The following GREP1 variants were observed in gnomAD, a reference collection of about 807,000 sequenced individuals.
GREP1 encodes the protein glycine rich extracellular protein 1.
exon 6 of GREP1, chr16:2,990,467 G>A (rs900355191): frequency 1.5e-5 from 6 of 399,148 alleles, no homozygotes; most frequent in African/African-American, 8.2e-5. Context: ...ACTGAAGGGG[G>A]CATGAAACCC....
chr16:2,993,296 G>T lies in GREP1; in HGVS notation c.385+333G>T, dbSNP rs148424417. 2.0e-3 allele frequency: 402 copies of T among 203,796 alleles called. 1 individual carries two copies. Among genetic ancestry groups the T allele is most frequent in the Non-Finnish European group, 1.2e-3 (125 of 102,454 alleles). The allele number at this position is 203,796 out of a possible 1,614,324, so 12.6% of individuals were successfully genotyped here. A position where few individuals can be genotyped will look rare whatever the true frequency, so the allele number is the denominator to read the frequency against. ...GGGACTAAAGGCTCAGAGAGCAGGC[G>T]AGCCCCAATCTCTAGCCTCCCAACT... is the stretch of plus-strand genomic sequence containing the variant. On this transcript the variant is annotated intron_variant, in intron 10 of 34. Coordinates refer to ENST00000573315, the Ensembl canonical transcript of GREP1.
At chr16:2,999,733 T>G (rs2072448855) in intron 27 of GREP1, among the ~76,000 whole-genome samples, 169 bp from the exon 25 acceptor site, 1 of 152,186 alleles carries the variant, frequency 6.6e-6, no homozygotes, top group Non-Finnish European at 1.5e-5. Context: ...ATTACAGGCG[T>G]GAGCCACTGC....
At chr16:2,996,381 G>T in intron 18 of GREP1, 115 bp from the exon 18 acceptor site, 1 of 397,250 alleles carries the variant, frequency 2.5e-6, no homozygotes, top group Admixed American at 4.4e-5. Flanking sequence ...GGCCTGGGAG[G>T]GGGAGCCAGG....
At chr16:2,998,747 C>T in intron 25 of GREP1, 101 bp from the exon 24 acceptor site, 1 of 398,772 alleles carries the variant, frequency 2.5e-6, no homozygotes, top group African/African-American at 2.1e-5. Context: ...CCCTAGAAGC[C>T]ACTACAGGCC....
At chr16:2,998,414 C>T (rs1425078437) in intron 24 of GREP1, 26 bp downstream of exon 22, 2 of 399,194 alleles carry the variant, frequency 5.0e-6, no homozygotes, top group East Asian at 7.1e-5. Flanking sequence ...CTGGCTCTGC[C>T]CCACACCTCC....
chr16:2,996,905 A>C (rs2072427651), intron 20 of GREP1, 148 bp from the exon 20 acceptor site: 2 of 399,204 alleles, frequency 5.0e-6, no homozygotes, highest in Admixed American at 8.8e-5. Context: ...CCTGTCCCCC[A>C]GTGGCTCAGC....
Position 2,995,735 on chromosome 16 carries a change from C to G in GREP1, c.590-4C>G, listed in dbSNP as rs1312296998. 3.0e-5 allele frequency: 12 copies of G among 398,234 alleles called. No homozygotes were observed. The highest frequency in any genetic ancestry group is 4.9e-5 in the Non-Finnish European group (11 of 226,220). 24.7% of individuals were successfully genotyped at this position (398,234 alleles called of 1,614,324 possible). On this transcript the variant is annotated splice_polypyrimidine_tract_variant and splice_region_variant and intron_variant, in intron 16 of 34. Coordinates refer to ENST00000573315, the Ensembl canonical transcript of GREP1. Reference sequence around the variant, plus strand: ...ACTCACCAGCCCCCCTATATCTCCTCCAGGCCTTGGAGGGAATGTGAAGCC... The same window carrying G: ...ACTCACCAGCCCCCCTATATCTCCTGCAGGCCTTGGAGGGAATGTGAAGCC...
chr16:3,001,691 G>A, exon 35 of GREP1: 2 of 398,950 alleles, frequency 5.0e-6, no homozygotes, highest in Non-Finnish European at 8.8e-6. Context: ...CCACAAACGT[G>A]CTTCCCTGCT....
At position 2,988,578 on chromosome 16, in the gene GREP1, T is replaced by C; in HGVS notation, c.68-12T>C. 1 of 399,176 alleles carries C rather than the reference T, an allele frequency of 2.5e-6. No homozygotes were observed. The highest frequency in any genetic ancestry group is 6.3e-4 in the Middle Eastern group (1 of 1,590). 24.7% of individuals were successfully genotyped at this position (399,176 alleles called of 1,614,324 possible). A position where few individuals can be genotyped will look rare whatever the true frequency, so the allele number is the denominator to read the frequency against. ...TCCCCAGCCTTGAGTCAGCACTGTC[T>C]TGCTTCCGCAGGGCTGCCCCTTCTG... On this transcript the variant is annotated splice_polypyrimidine_tract_variant and intron_variant, in intron 1 of 34. Coordinates refer to ENST00000573315, the Ensembl canonical transcript of GREP1.
At chr16:3,000,497 G>A (rs781148467) in intron 31 of GREP1, 3 of 399,138 alleles carry the variant, frequency 7.5e-6, no homozygotes, top group Non-Finnish European at 8.8e-6. Context: ...AAAGTGCAGT[G>A]GAGTGGGGGA....
chr16:2,994,695 C>T lies in GREP1; in HGVS notation c.386-3C>T, dbSNP rs147950119. Reference sequence around the variant, plus strand: ...GGGCCTTAACCCTTTCTCTCCTCCACAGGCCCCACCACTCAAAATGGCTAT... The same window carrying T: ...GGGCCTTAACCCTTTCTCTCCTCCATAGGCCCCACCACTCAAAATGGCTAT... On this transcript the variant is annotated splice_region_variant and splice_polypyrimidine_tract_variant and intron_variant, in intron 10 of 34. Transcript: ENST00000573315. 2 of 398,964 alleles carry T rather than the reference C, an allele frequency of 5.0e-6. No individual in the cohort carries two copies. Among genetic ancestry groups the T allele is most frequent in the Admixed American group, 4.4e-5 (1 of 22,722 alleles). The allele number at this position is 398,964 out of a possible 1,614,324, so 24.7% of individuals were successfully genotyped here.
intron 20 of GREP1, 154 bp from the exon 20 acceptor site, chr16:2,996,899 T>G (rs1039488773): frequency 7.5e-6 from 3 of 399,114 alleles, no homozygotes; most frequent in African/African-American, 4.1e-5. Context: ...TGCCTCCCTG[T>G]CCCCCAGTGG....
chr16:3,000,913 C>A, intron 33 of GREP1, 86 bp downstream of exon 27: 2 of 398,022 alleles, frequency 5.0e-6, no homozygotes, highest in Non-Finnish European at 8.8e-6. Context: ...ACCCACAGCC[C>A]CACAGAGATA....
chr16:2,997,450 G>A (rs899014952), intron 22 of GREP1: 8 of 398,992 alleles, frequency 2.0e-5, no homozygotes, highest in Admixed American at 8.8e-5. Flanking sequence ...TGGGAGTGCA[G>A]AAAGGAGGAA....
At chr16:3,001,808 C>A in exon 35 of GREP1, 1 of 395,266 alleles carries the variant, frequency 2.5e-6, no homozygotes, top group Non-Finnish European at 4.5e-6. Flanking sequence ...ATCAATGAGG[C>A]CATGTGCCAG....
chr16:2,995,475 G>A lies in GREP1; in HGVS notation c.553+38G>A, dbSNP rs78106830. The A allele has an allele frequency of 1.8e-3, 708 of 398,834 alleles. 5 individuals carry two copies. Among genetic ancestry groups the A allele is most frequent in the African/African-American group, 0.013 (630 of 48,678 alleles). The allele number at this position is 398,834 out of a possible 1,614,324, so 24.7% of individuals were successfully genotyped here. A position where few individuals can be genotyped will look rare whatever the true frequency, so the allele number is the denominator to read the frequency against. On this transcript the variant is annotated intron_variant, in intron 15 of 34. Coordinates refer to ENST00000573315, the Ensembl canonical transcript of GREP1. ...GGGTCTGGGGTTCTACCCCTGGGGC[G>A]TCCTCTCCCTGCCTCCCTTCCCAGT...
rs1489824216 is a variant in GREP1 at position 2,997,169 on chromosome 16, C to T, written c.886+84C>T. 1.8e-5 allele frequency: 7 copies of T among 399,022 alleles called. No homozygotes were observed. In the East Asian group the frequency reaches 2.1e-4, roughly 12 times the overall value. 24.7% of individuals were successfully genotyped at this position (399,022 alleles called of 1,614,324 possible). A position where few individuals can be genotyped will look rare whatever the true frequency, so the allele number is the denominator to read the frequency against. ...TCATACCCCACCTCAGCTCCATCGG[C>T]ATTCAGGAGGGGGCTGGGAGCCGAG... On this transcript the variant is annotated intron_variant, in intron 21 of 34. Transcript: ENST00000573315.
chr16:2,990,497 G>A lies in GREP1; in HGVS notation c.232+10G>A, dbSNP rs112456863. 1,140 of 399,270 alleles carry A rather than the reference G, an allele frequency of 2.9e-3. 20 individuals are homozygous for A. The highest frequency in any genetic ancestry group is 0.021 in the African/African-American group (1,039 of 48,688). 24.7% of individuals were successfully genotyped at this position (399,270 alleles called of 1,614,324 possible). On this transcript the variant is annotated intron_variant, in intron 6 of 34. Transcript: ENST00000573315. ...AAACCCCAAAACCTAGGTGAGGCTC[G>A]CCCAGCCCCTGCCTGCCTCCCTCCT...
rs375558802 is a variant in GREP1, at chr16:2,990,844, T to A, written c.269-204T>A. Among the ~76,000 whole-genome samples the A allele has an allele frequency of 6.4e-4, 97 of 152,168 alleles. 1 individual carries two copies. Among genetic ancestry groups the A allele is most frequent in the African/African-American group, 2.3e-3 (95 of 41,522 alleles). ...CCCCTGCCTCAGCTCGGTGTGGCTG[T>A]GGAGCAGGGAGCCCAGGGCGGGGAG... On this transcript the variant is annotated intron_variant, in intron 7 of 34. Transcript: ENST00000573315.
Sources: gnomAD v4.1 joint callset for allele counts (sites outside exome capture counted in the v4.1 genomes callset) on GRCh38, gnomAD v4.1.1 for gene constraint, MANE v1.5 for transcripts, NCBI Gene and HGNC (gene_info 2026-07-23, HGNC 2026-07-21) for gene names.